Variants in LEMD3 observed in about 807,000 individuals in gnomAD.
LEMD3 encodes LEM domain containing 3, also known as inner nuclear membrane protein Man1.
Under a neutral mutation model 95.2 loss-of-function variants are expected in LEMD3, and 33 were observed. The observed-to-expected ratio is 0.35, with a 90% confidence interval of 0.26 to 0.46. LEMD3 has a LOEUF of 0.46. LEMD3 is among the 20% of genes least tolerant of loss of function. The pLI, the probability that LEMD3 is intolerant of heterozygous loss-of-function variation, is 1.00. For missense variants in LEMD3, 1,210 were observed against 1,192.8 expected (o/e 1.01, Z -0.21); for synonymous variants, 525 against 474.6 (o/e 1.11, Z -1.38).
chr12:65,226,261 G>T (rs1870445297), intron 4 of LEMD3, among the ~76,000 whole-genome samples: 1 of 152,216 alleles, frequency 6.6e-6, no homozygotes, highest in Non-Finnish European at 1.5e-5. Context: ...CGAGTTGGGA[G>T]TTTCCTCTCT....
chr12:65,177,746 ACTT>A (rs1344384615), intron 1 of LEMD3, among the ~76,000 whole-genome samples: 1 of 152,136 alleles, frequency 6.6e-6, no homozygotes, highest in Admixed American at 6.5e-5. Context: ...AAATATTTTT[ACTT>A]CTTAAAGTAG....
Position 65,241,080 on chromosome 12 carries a change from A to G in LEMD3, c.2298A>G (p.Gln766=), listed in dbSNP as rs777903247. Residue 766 remains glutamine (Q), a synonymous_variant, in exon 9 of 13, where the codon CAA becomes CAG. Transcript: ENST00000308330. Reference sequence around the variant, plus strand: ...TAGTTATACCTTCTAAAGTATGGCAAGGTCAAGGTATGTATTTTTAAACAT... The same window carrying G: ...TAGTTATACCTTCTAAAGTATGGCAGGGTCAAGGTATGTATTTTTAAACAT... ...KILVIPSKVW[Q]GQAFHLDRRN... 3 of 1,613,446 alleles carry G rather than the reference A, an allele frequency of 1.9e-6. No homozygotes were observed. The highest frequency in any genetic ancestry group is 3.3e-5 in the Admixed American group (2 of 60,014).
Position 65,238,493 on chromosome 12 carries a change from T to G in LEMD3, c.1696-9T>G. On this transcript the variant is annotated splice_polypyrimidine_tract_variant and intron_variant, in intron 4 of 12. Transcript: ENST00000308330. The stretch of plus-strand genomic sequence containing the variant: ...AAGAATAGTTATTTTTCTCTATTTT[T>G]CTTGTTAGGATTTAGGTCCTGAATA... 1 of 1,549,512 alleles carries G rather than the reference T, an allele frequency of 6.5e-7. No homozygotes were observed. The highest frequency in any genetic ancestry group is 8.9e-7 in the Non-Finnish European group (1 of 1,121,672).
At chr12:65,177,669 G>T (rs7312160) in intron 1 of LEMD3, among the ~76,000 whole-genome samples, 146,979 of 152,232 alleles carry the variant, frequency 0.97, 71,153 homozygotes, top group East Asian at 1. Flanking sequence ...ATGTGTTGTT[G>T]TTTTCTTTAA....
intron 9 of LEMD3, among the ~76,000 whole-genome samples, chr12:65,242,321 T>TC (rs1303327812): frequency 6.6e-6 from 1 of 152,212 alleles, no homozygotes; most frequent in African/African-American, 2.4e-5. Flanking sequence ...ATCTTTTTTT[T>TC]CCCACTCTGC....
chr12:65,237,251 C>G (rs1362614166), intron 4 of LEMD3, among the ~76,000 whole-genome samples: 5 of 152,084 alleles, frequency 3.3e-5, no homozygotes, highest in African/African-American at 1.2e-4. Flanking sequence ...TTTTATAAAT[C>G]TCTTAAATGT....
intron 1 of LEMD3, among the ~76,000 whole-genome samples, chr12:65,175,542 A>G (rs1868692728): frequency 6.6e-6 from 1 of 152,172 alleles, no homozygotes; most frequent in Non-Finnish European, 1.5e-5. Context: ...TGGTACATTT[A>G]GTGCATTGAC....
chr12:65,201,123 A>G (rs1464272024), intron 1 of LEMD3, among the ~76,000 whole-genome samples: 1 of 152,076 alleles, frequency 6.6e-6, no homozygotes, highest in Non-Finnish European at 1.5e-5. Flanking sequence ...ATATGGGTCT[A>G]TTTCTGGGCT....
At position 65,170,614 on chromosome 12, in the gene LEMD3, G is replaced by A. The variant is rs755459590; in HGVS notation, c.1018G>A (p.Ala340Thr). ...RSRNLEEAAAAEQGGGCDQVD... is the reference protein window; with the variant it reads ...RSRNLEEAAATEQGGGCDQVD... The stretch of plus-strand genomic sequence containing the variant: ...CCGAAACCTCGAAGAGGCGGCGGCC[G>A]CGGAGCAGGGAGGAGGGTGTGATCA... The change falls in exon 1 of 13, where the codon GCG becomes ACG. Residue 340 changes from alanine to threonine, a missense_variant. By Grantham distance (58) the Ala-to-Thr change is moderately conservative. This residue lies in a region of LEMD3 where 749 missense variants were observed against 622.9 expected (regional missense o/e 1.20). Transcript: ENST00000308330. 8.1e-6 allele frequency: 13 copies of A among 1,613,928 alleles called. No individual in the cohort carries two copies. Among genetic ancestry groups the A allele is most frequent in the African/African-American group, 1.3e-5 (1 of 74,924 alleles).
chr12:65,247,756 C>T lies in LEMD3; in HGVS notation c.*1431C>T, dbSNP rs1238357094. ...AGCATGAACTTGCACAGATAATGCACGTTTTCTGGTTAAGTAAACATGATG... is the reference window on the plus strand; with the variant it reads ...AGCATGAACTTGCACAGATAATGCATGTTTTCTGGTTAAGTAAACATGATG... On this transcript the variant is annotated 3_prime_UTR_variant, in exon 13 of 13. Coordinates refer to ENST00000308330, the MANE Select transcript of LEMD3 (RefSeq NM_014319.5). The T allele has an allele frequency of 1.3e-5, 2 of 152,502 alleles. No individual in the cohort carries two copies. The highest frequency in any genetic ancestry group is 2.4e-5 in the African/African-American group (1 of 41,426). The allele number at this position is 152,502 out of a possible 1,614,324, so 9.4% of individuals were successfully genotyped here. A position where few individuals can be genotyped will look rare whatever the true frequency, so the allele number is the denominator to read the frequency against.
At chr12:65,203,539 G>T (rs1012081749) in intron 1 of LEMD3, among the ~76,000 whole-genome samples, 1 of 152,000 alleles carries the variant, frequency 6.6e-6, no homozygotes, top group African/African-American at 2.4e-5. Context: ...ATTTGTTATG[G>T]CATGTTTTAT....
chr12:65,225,245 TTTGA>T (rs924943060), intron 4 of LEMD3, among the ~76,000 whole-genome samples: 9 of 152,230 alleles, frequency 5.9e-5, no homozygotes, highest in Non-Finnish European at 8.8e-5. Flanking sequence ...ATTTTGTTTC[TTTGA>T]TTGACCATGT....
chr12:65,192,121 C>T (rs1363003390), intron 1 of LEMD3, among the ~76,000 whole-genome samples: 1 of 142,498 alleles, frequency 7.0e-6, no homozygotes, highest in Non-Finnish European at 1.5e-5. Flanking sequence ...AAAAAAAAAG[C>T]ACCTTAGCTC....
At chr12:65,193,602 G>A (rs1869312747) in intron 1 of LEMD3, among the ~76,000 whole-genome samples, 1 of 152,132 alleles carries the variant, frequency 6.6e-6, no homozygotes, top group African/African-American at 2.4e-5. Flanking sequence ...TTGGAAAGCT[G>A]CTGATCACCA....
At chr12:65,207,306 G>A (rs902901874) in intron 1 of LEMD3, among the ~76,000 whole-genome samples, 2 of 152,046 alleles carry the variant, frequency 1.3e-5, no homozygotes, top group Non-Finnish European at 2.9e-5. Context: ...CATGTGCATA[G>A]TACACAGTAT....
chr12:65,183,087 AC>A (rs1330370002), intron 1 of LEMD3, among the ~76,000 whole-genome samples: 1 of 152,146 alleles, frequency 6.6e-6, no homozygotes, highest in Non-Finnish European at 1.5e-5. Flanking sequence ...TGAAACTGTT[AC>A]CAGTGATGGT....
intron 1 of LEMD3, among the ~76,000 whole-genome samples, chr12:65,206,682 TA>T (rs2136333466): frequency 1.3e-5 from 2 of 152,246 alleles, no homozygotes; most frequent in South Asian, 4.1e-4. Flanking sequence ...CGGGATACTT[TA>T]TATTTTTATG....
intron 4 of LEMD3, among the ~76,000 whole-genome samples, chr12:65,231,035 C>T (rs1870610849): frequency 6.6e-6 from 1 of 152,024 alleles, no homozygotes; most frequent in South Asian, 2.1e-4. Context: ...TTTTATGTTT[C>T]ATATTCGGTT....
intron 4 of LEMD3, among the ~76,000 whole-genome samples, chr12:65,233,740 A>G (rs1870696963): frequency 6.6e-6 from 1 of 152,074 alleles, no homozygotes. Flanking sequence ...CCTTCTTACT[A>G]ACTAAAGTTT....
Sources: gnomAD v4.1 joint callset for allele counts (sites outside exome capture counted in the v4.1 genomes callset) on GRCh38, gnomAD v4.1.1 for gene constraint, gnomAD v4.1.1 regional missense constraint, MANE v1.5 for transcripts, NCBI Gene and HGNC (gene_info 2026-07-23, HGNC 2026-07-21) for gene names.